The following TRPC5 variants were observed in gnomAD, a reference collection of about 807,000 sequenced individuals.
TRPC5 encodes short transient receptor potential channel 5.
Under a neutral mutation model 56.5 loss-of-function variants are expected in TRPC5, and 9 were observed. The ratio of observed to expected loss-of-function variants is 0.16; its 90% CI spans 0.10 to 0.28. TRPC5 has a LOEUF of 0.28. TRPC5 is among the 10% of genes least tolerant of loss of function. The pLI is 1.00. For missense variants in TRPC5, 469 were observed against 748.9 expected (o/e 0.63, Z 4.36); for synonymous variants, 282 against 278.5 (o/e 1.01, Z -0.13).
At chrX:111,980,267 A>G (rs1329473374) in intron 1 of TRPC5, among the ~76,000 whole-genome samples, 2 of 111,691 alleles carry the variant, frequency 1.8e-5, no homozygotes, top group Non-Finnish European at 3.8e-5. Context: ...TATTCTTGAA[A>G]ATTAAAATGA....
rs544232404 is a variant in TRPC5, at chrX:111,999,417, T to C, written c.-21-46976A>G. ...TTTCGCTTAACATAATGCCCTCCAG[T>C]TCTATCCATGTTGCTGCAAATGACA... On this transcript the variant is annotated intron_variant, in intron 1 of 10. Coordinates refer to ENST00000262839, the MANE Select transcript of TRPC5 (RefSeq NM_012471.3). Among the ~76,000 whole-genome samples, 4 of 111,426 alleles carry C rather than the reference T, an allele frequency of 3.6e-5. No individual in the cohort carries two copies. The South Asian group carries it at 1.5e-3, about 42-fold the overall frequency.
At chrX:111,853,406 C>T (rs1043003520) in intron 4 of TRPC5, among the ~76,000 whole-genome samples, 3 of 111,601 alleles carry the variant, frequency 2.7e-5, no homozygotes, top group East Asian at 2.8e-4. Flanking sequence ...ATTCATGTGC[C>T]CCTTGGTTAT....
intron 1 of TRPC5, among the ~76,000 whole-genome samples, chrX:111,982,639 G>C (rs1928112025): frequency 9.0e-6 from 1 of 111,536 alleles, no homozygotes. Flanking sequence ...TCCCTTCTTT[G>C]CCTGCTGATT....
At chrX:111,840,834 G>T (rs754878719) in intron 6 of TRPC5, among the ~76,000 whole-genome samples, 1 of 112,381 alleles carries the variant, frequency 8.9e-6, no homozygotes, top group Admixed American at 9.4e-5. Flanking sequence ...GTTCATTTGC[G>T]TTCCCCATTA....
At chrX:111,781,037 A>G in intron 9 of TRPC5, 128 bp downstream of exon 9, 3 of 656,822 alleles carry the variant, frequency 4.6e-6, no homozygotes, top group Non-Finnish European at 7.6e-6. Flanking sequence ...TTGATAAATT[A>G]CAGCCTTTCC....
At chrX:111,909,340 A>T (rs1464915420) in intron 3 of TRPC5, among the ~76,000 whole-genome samples, 79 of 105,392 alleles carry the variant, frequency 7.5e-4, no homozygotes, top group East Asian at 2.9e-4. Context: ...AAAAATAAAT[A>T]AATAAATAAA....
At chrX:111,939,913 C>A (rs1208059097) in intron 2 of TRPC5, among the ~76,000 whole-genome samples, 1 of 110,473 alleles carries the variant, frequency 9.1e-6, no homozygotes, top group Non-Finnish European at 1.9e-5. Context: ...TTTATTATTT[C>A]TTCTACTAAT....
In TRPC5 at chrX:111,835,034, C is replaced by T. The variant is rs778802286; in HGVS notation, c.1783G>A (p.Glu595Lys). 4 of 1,209,705 alleles carry T rather than the reference C, an allele frequency of 3.3e-6. No individual in the cohort carries two copies. The highest frequency in any genetic ancestry group is 4.4e-5 in the Admixed American group (2 of 45,805). Residue 595 changes from glutamate to lysine, a missense_variant, in exon 7 of 11, where the codon GAA (glutamate) becomes AAA (lysine). Physicochemically the swap from Glu to Lys is moderately conservative, Grantham distance 56 (BLOSUM62 1). This residue lies in a region of TRPC5 where 157 missense variants were observed against 360.0 expected (regional missense o/e 0.44). Coordinates refer to ENST00000262839, the MANE Select transcript of TRPC5 (RefSeq NM_012471.3). ...GTAGCTCCTACAAACTCGGTGAATT[C>T]GTGTCTGGCTTTCACATTGGTGACA... ...LYVTNVKARH[E>K]FTEFVGATMF...
At chrX:112,023,349 T>A (rs1302212999) in intron 1 of TRPC5, among the ~76,000 whole-genome samples, 1 of 99,995 alleles carries the variant, frequency 1.0e-5, no homozygotes, top group African/African-American at 3.6e-5. Context: ...CAAATTTACC[T>A]CCTTCTACTG....
chrX:112,039,712 C>A (rs1291650458), intron 1 of TRPC5, among the ~76,000 whole-genome samples: 1 of 111,100 alleles, frequency 9.0e-6, no homozygotes, highest in South Asian at 3.9e-4. Context: ...CCTCTATTAC[C>A]GTCATACAGA....
chrX:111,832,890 G>A (rs1922452476), intron 7 of TRPC5, among the ~76,000 whole-genome samples: 1 of 111,383 alleles, frequency 9.0e-6, no homozygotes, highest in East Asian at 2.8e-4. Context: ...AAGGACCACA[G>A]CCCTGCATTA....
intron 7 of TRPC5, among the ~76,000 whole-genome samples, chrX:111,827,916 C>T (rs1922289746): frequency 9.0e-6 from 1 of 111,527 alleles, no homozygotes; most frequent in Non-Finnish European, 1.9e-5. Context: ...CCCATTACCT[C>T]TCTGACTCCA....
At chrX:112,033,734 G>A (rs888013529) in intron 1 of TRPC5, among the ~76,000 whole-genome samples, 10 of 111,123 alleles carry the variant, frequency 9.0e-5, no homozygotes, top group African/African-American at 3.0e-4. Context: ...TCGTCTTTTT[G>A]CATGTGGATA....
chrX:112,027,686 C>T (rs777841141), intron 1 of TRPC5, among the ~76,000 whole-genome samples: 1 of 110,151 alleles, frequency 9.1e-6, no homozygotes, highest in African/African-American at 3.3e-5. Context: ...TTAGTAGAGA[C>T]GGGGTTTCAC....
chrX:112,048,938 G>A (rs1930139290), intron 1 of TRPC5, among the ~76,000 whole-genome samples: 1 of 112,137 alleles, frequency 8.9e-6, no homozygotes, highest in South Asian at 3.7e-4. Flanking sequence ...AGCACTGTGT[G>A]GCCAATGAGT....
chrX:111,880,947 G>A (rs1214427631), intron 3 of TRPC5, among the ~76,000 whole-genome samples: 1 of 111,384 alleles, frequency 9.0e-6, no homozygotes, highest in African/African-American at 3.3e-5. Context: ...TAACTGTGGA[G>A]AGTTCATAGG....
intron 1 of TRPC5, among the ~76,000 whole-genome samples, chrX:112,054,774 C>T (rs1425035192): frequency 9.0e-6 from 1 of 111,228 alleles, no homozygotes; most frequent in African/African-American, 3.3e-5. Flanking sequence ...CTTGAGAAGC[C>T]CTCTCTCTCC....
rs562610403 is a variant in TRPC5 at position 111,979,814 on chromosome X, T to C, written c.-21-27373A>G. Among the ~76,000 whole-genome samples the C allele has an allele frequency of 1.5e-4, 17 of 111,784 alleles. No individual in the cohort carries two copies. The East Asian group carries it at 4.8e-3, about 31-fold the overall frequency. ...AAGTTAAACCTAAAATTAAAATGAC[T>C]GACCATACCAAGCGTGGGTGAGAAT... On this transcript the variant is annotated intron_variant, in intron 1 of 10. Coordinates refer to ENST00000262839, the MANE Select transcript of TRPC5 (RefSeq NM_012471.3).
At chrX:112,000,804 C>G (rs748867458) in intron 1 of TRPC5, among the ~76,000 whole-genome samples, 9 of 111,690 alleles carry the variant, frequency 8.1e-5, no homozygotes, top group Non-Finnish European at 1.3e-4. Flanking sequence ...TATATTTCTA[C>G]CACATTTGAT....
Sources: gnomAD v4.1 joint callset for allele counts (sites outside exome capture counted in the v4.1 genomes callset) on GRCh38, gnomAD v4.1.1 for gene constraint, gnomAD v4.1.1 regional missense constraint, MANE v1.5 for transcripts, NCBI Gene and HGNC (gene_info 2026-07-23, HGNC 2026-07-21) for gene names.